The following PANK2 variants were observed in gnomAD, a reference collection of about 807,000 sequenced individuals.
The protein encoded by PANK2 is pantothenate kinase 2, mitochondrial.
A neutral mutation model predicts 43.1 loss-of-function variants in PANK2; 36 were observed. The observed-to-expected ratio is 0.84, with a 90% CI of 0.64 to 1.10. The LOEUF is 1.10. PANK2 is among the 50% of genes least tolerant of loss of function. PANK2 has a pLI of 0.00. For synonymous variants in PANK2, 281 were observed against 238.2 expected, an observed-to-expected ratio of 1.18 and a Z score of -1.66; for missense variants, 576 against 593.3, an observed-to-expected ratio of 0.97 and a Z score of 0.30.
At chr20:3,888,876 C>G (rs71647824), upstream of PANK2, 42 of 487,846 alleles carry the variant, frequency 8.6e-5, no homozygotes, top group African/African-American at 8.2e-4. Context: ...ACGGCAGCTG[C>G]GGAACTAGGC....
chr20:3,907,199 G>C (rs1028986765), intron 1 of PANK2, among the ~76,000 whole-genome samples: 1 of 143,374 alleles, frequency 7.0e-6, no homozygotes, highest in African/African-American at 2.5e-5. Flanking sequence ...CACCTCCCAG[G>C]TTGAAGCAGT....
At chr20:3,890,823 G>T (rs2090111305) in intron 1 of PANK2, among the ~76,000 whole-genome samples, 1 of 152,088 alleles carries the variant, frequency 6.6e-6, no homozygotes, top group South Asian at 2.1e-4. Context: ...CAGTTCTTTT[G>T]TCTTTTTCCA....
At chr20:3,892,019 A>G (rs900963286) in intron 1 of PANK2, among the ~76,000 whole-genome samples, 3 of 152,070 alleles carry the variant, frequency 2.0e-5, no homozygotes, top group African/African-American at 7.2e-5. Flanking sequence ...TTTCTTCTGT[A>G]CTATCTAGGG....
intron 4 of PANK2, among the ~76,000 whole-genome samples, chr20:3,915,630 C>T (rs1402894926): frequency 6.6e-6 from 1 of 152,122 alleles, no homozygotes; most frequent in Non-Finnish European, 1.5e-5. Context: ...TATATTTGAT[C>T]CATTTTGAGT....
At chr20:3,889,020 G>C, upstream of PANK2, 2 of 1,155,578 alleles carry the variant, frequency 1.7e-6, no homozygotes, top group East Asian at 5.2e-5. Context: ...CAGCGGGGTG[G>C]GACTCGGGGT....
At chr20:3,912,421 A>C (rs765601187) in intron 3 of PANK2, 37 bp from the exon 4 acceptor site, 2 of 1,605,232 alleles carry the variant, frequency 1.2e-6, no homozygotes, top group Non-Finnish European at 1.7e-6. Flanking sequence ...TATTTTTAAA[A>C]ATGTTATAAT....
intron 6 of PANK2, 63 bp downstream of exon 6, chr20:3,918,859 T>C (rs1036982979): frequency 1.2e-6 from 2 of 1,612,456 alleles, no homozygotes; most frequent in African/African-American, 1.3e-5. Flanking sequence ...CACACTGTCA[T>C]GGAACTTGAG....
intron 1 of PANK2, among the ~76,000 whole-genome samples, chr20:3,894,390 G>A (rs2090172017): frequency 6.6e-6 from 1 of 150,654 alleles, no homozygotes; most frequent in Non-Finnish European, 1.5e-5. Flanking sequence ...ACAGGCATGC[G>A]CTACCACGCC....
Position 3,928,788 on chromosome 20 carries a change from G to GTAA in PANK2, c.*5496_*5498dup, listed in dbSNP as rs1042278214. 1.3e-5 allele frequency: 2 copies of GTAA among 148,184 alleles called. No individual in the cohort carries two copies. The highest frequency in any genetic ancestry group is 3.0e-5 in the Non-Finnish European group (2 of 67,294). 9.2% of individuals were successfully genotyped at this position (148,184 alleles called of 1,614,324 possible). A position where few individuals can be genotyped will look rare whatever the true frequency, so the allele number is the denominator to read the frequency against. On this transcript the variant is annotated 3_prime_UTR_variant, in exon 7 of 7. Coordinates refer to ENST00000610179, the MANE Select transcript of PANK2 (RefSeq NM_001386393.1). ...AAAAAAAAAAAAAAAAATTGTTGGGGTAATTTCTGTTGTCAAATGGAAAAC... is the reference window on the plus strand; with the variant it reads ...AAAAAAAAAAAAAAAAATTGTTGGGGTAATAATTTCTGTTGTCAAATGGAAAAC...
At chr20:3,892,546 G>A (rs543718637) in intron 1 of PANK2, among the ~76,000 whole-genome samples, 5 of 151,846 alleles carry the variant, frequency 3.3e-5, no homozygotes, top group Non-Finnish European at 7.4e-5. Context: ...GTGTGGTGAC[G>A]CGTGCCCGTA....
intron 4 of PANK2, among the ~76,000 whole-genome samples, chr20:3,913,979 TG>T (rs953188046): frequency 6.6e-6 from 1 of 151,426 alleles, no homozygotes; most frequent in Non-Finnish European, 1.5e-5. Context: ...TTAGCAGAGA[TG>T]GGGTTTCACT....
intron 1 of PANK2, among the ~76,000 whole-genome samples, chr20:3,895,596 AT>A (rs2090194852): frequency 6.7e-6 from 1 of 148,820 alleles, no homozygotes; most frequent in South Asian, 2.2e-4. Flanking sequence ...TATTTTGATT[AT>A]TTAAAAGAGC....
At chr20:3,904,622 C>G (rs1485398775) in intron 1 of PANK2, among the ~76,000 whole-genome samples, 1 of 152,038 alleles carries the variant, frequency 6.6e-6, no homozygotes, top group African/African-American at 2.4e-5. Context: ...TGCATGGATT[C>G]TTTTGTACGT....
intron 1 of PANK2, among the ~76,000 whole-genome samples, chr20:3,899,091 G>T (rs1039365920): frequency 4.0e-5 from 6 of 151,630 alleles, no homozygotes; most frequent in Admixed American, 2.6e-4. Context: ...GGCCAGGCTG[G>T]TCTCAAACTC....
At chr20:3,909,253 T>C (rs796576594) in intron 2 of PANK2, among the ~76,000 whole-genome samples, 11 of 152,280 alleles carry the variant, frequency 7.2e-5, no homozygotes, top group African/African-American at 2.6e-4. Flanking sequence ...GCTAATTTTG[T>C]ATTTTTAGTA....
At chr20:3,889,382 C>T (rs1194285501), upstream of PANK2, 3 of 1,575,332 alleles carry the variant, frequency 1.9e-6, no homozygotes, top group Non-Finnish European at 2.6e-6. Context: ...CGAGGGCGCG[C>T]CTCTGCTCTG....
intron 5 of PANK2, 66 bp from the exon 6 acceptor site, chr20:3,918,604 TG>T: frequency 6.2e-7 from 1 of 1,602,776 alleles, no homozygotes; most frequent in Non-Finnish European, 8.5e-7. Flanking sequence ...GTGCTGTATT[TG>T]GGGTAGCTTT....
At chr20:3,907,171 T>C (rs2090401476) in intron 1 of PANK2, among the ~76,000 whole-genome samples, 1 of 145,284 alleles carries the variant, frequency 6.9e-6, no homozygotes, top group South Asian at 2.2e-4. Context: ...TGGTGTGATC[T>C]CAGCTCACTG....
intron 1 of PANK2, among the ~76,000 whole-genome samples, chr20:3,905,350 CTTTTT>C (rs34914526): frequency 7.4e-6 from 1 of 134,386 alleles, no homozygotes; most frequent in Admixed American, 7.8e-5. Flanking sequence ...GCTGCTATCT[CTTTTT>C]TTTTTTTTTT....
Sources: gnomAD v4.1 joint callset for allele counts (sites outside exome capture counted in the v4.1 genomes callset) on GRCh38, gnomAD v4.1.1 for gene constraint, MANE v1.5 for transcripts, NCBI Gene and HGNC (gene_info 2026-07-23, HGNC 2026-07-21) for gene names.